Variants in GSDMC observed in about 807,000 individuals in gnomAD.
GSDMC encodes the protein gasdermin-C.
GSDMC carries 59 observed loss-of-function variants against 58.0 expected under a neutral mutation model. The ratio of observed to expected loss-of-function variants is 1.02; its 90% CI spans 0.82 to 1.26. The LOEUF (loss-of-function observed/expected upper bound fraction) is 1.26. Ranked by LOEUF, GSDMC falls within the 50% of genes most tolerant of loss-of-function variation. GSDMC has a pLI of 0.00. For missense variants in GSDMC, 659 were observed against 598.5 expected, an observed-to-expected ratio of 1.10 and a Z score of -1.06; for synonymous variants, 241 against 220.2, an observed-to-expected ratio of 1.09 and a Z score of -0.83.
intron 3 of GSDMC, among the ~76,000 whole-genome samples, chr8:129,767,790 G>C (rs2033916092): frequency 6.6e-6 from 1 of 151,878 alleles, no homozygotes; most frequent in Non-Finnish European, 1.5e-5. Context: ...TCTGAATATG[G>C]CATTCAGCCA....
the GSDMC span, among the ~76,000 whole-genome samples, chr8:129,710,230 A>G: frequency 2.6e-5 from 4 of 152,248 alleles, no homozygotes; most frequent in South Asian, 2.1e-4. Context: ...AGCACAGTAC[A>G]GTGCTTGTAT....
At chr8:129,780,252 T>C (rs756266857) in intron 1 of GSDMC, among the ~76,000 whole-genome samples, 2 of 152,134 alleles carry the variant, frequency 1.3e-5, no homozygotes, top group African/African-American at 2.4e-5. Context: ...TTCCCAAAGC[T>C]AGAGTAAGAT....
chr8:129,763,686 C>G (rs1479974910), intron 4 of GSDMC, among the ~76,000 whole-genome samples: 1 of 152,220 alleles, frequency 6.6e-6, no homozygotes, highest in Non-Finnish European at 1.5e-5. Flanking sequence ...AAGCAATTCT[C>G]CCACCTCAGC....
chr8:129,731,824 A>G, the GSDMC span, among the ~76,000 whole-genome samples: 1 of 152,196 alleles, frequency 6.6e-6, no homozygotes, highest in Admixed American at 6.6e-5. Flanking sequence ...CTAAAATTTT[A>G]AAAAAATATA....
At chr8:129,768,468 T>A (rs907288066) in intron 3 of GSDMC, among the ~76,000 whole-genome samples, 1 of 152,006 alleles carries the variant, frequency 6.6e-6, no homozygotes, top group African/African-American at 2.4e-5. Context: ...GATAGACAAC[T>A]AAACAAAATT....
Position 129,749,978 on chromosome 8 carries a change from A to G in GSDMC, c.1213+12T>C. The G allele has an allele frequency of 6.3e-7, 1 of 1,575,560 alleles. No individual in the cohort carries two copies. ...TTGTGATTCTCCCATTCTTCCCTTT[A>G]ATTACTCTTACCCATTATGGCTTCA... On this transcript the variant is annotated intron_variant, in intron 12 of 13. Transcript: ENST00000276708.
chr8:129,740,818 T>C, the GSDMC span, among the ~76,000 whole-genome samples: 2 of 152,192 alleles, frequency 1.3e-5, no homozygotes, highest in Admixed American at 1.3e-4. Context: ...GTTAATTTCT[T>C]CCTTTACTGC....
chr8:129,713,074 C>A, the GSDMC span, among the ~76,000 whole-genome samples: 3 of 152,244 alleles, frequency 2.0e-5, no homozygotes, highest in African/African-American at 7.2e-5. Context: ...AACAGACTCA[C>A]GCACTTTTGC....
At chr8:129,755,105 G>T (rs1256138520) in intron 6 of GSDMC, among the ~76,000 whole-genome samples, 1 of 152,116 alleles carries the variant, frequency 6.6e-6, no homozygotes, top group Non-Finnish European at 1.5e-5. Flanking sequence ...CAACATTCAA[G>T]TACAAGTAAG....
the GSDMC span, among the ~76,000 whole-genome samples, chr8:129,708,128 G>A: frequency 1.5e-4 from 23 of 152,274 alleles, no homozygotes; most frequent in South Asian, 3.1e-3. Context: ...CTTACAAAAC[G>A]TAAGTTCAAA....
At position 129,750,886 on chromosome 8, in the gene GSDMC, G is replaced by A. The variant is rs187313622; in HGVS notation, c.944-316C>T. On this transcript the variant is annotated intron_variant, in intron 10 of 13. Coordinates refer to ENST00000276708, the MANE Select transcript of GSDMC (RefSeq NM_031415.3). ...ATTTCTGGGACATGTCAGGAATACT[G>A]TAAAATCTAGCATTGGGCCTTAGAG... is the stretch of plus-strand genomic sequence containing the variant. 3.0e-4 allele frequency among the ~76,000 whole-genome samples: 45 copies of A among 152,296 alleles called. 1 individual carries two copies. The highest frequency in any genetic ancestry group is 3.4e-3 in the Middle Eastern group (1 of 294).
At chr8:129,727,023 C>CACACCT in the GSDMC span, among the ~76,000 whole-genome samples, 1 of 150,210 alleles carries the variant, frequency 6.7e-6, no homozygotes, top group Non-Finnish European at 1.5e-5. Context: ...CACACACACA[C>CACACCT]ACCTATTCAC....
At chr8:129,718,625 G>A in the GSDMC span, among the ~76,000 whole-genome samples, 1 of 152,192 alleles carries the variant, frequency 6.6e-6, no homozygotes, top group Admixed American at 6.5e-5. Context: ...GCAGTGTGGA[G>A]TTTCCTCAAG....
rs116234640 is a variant in GSDMC, at chr8:129,776,155, G to A, written c.351C>T (p.Leu117=). 36 of 1,613,808 alleles carry A rather than the reference G, an allele frequency of 2.2e-5. No individual in the cohort carries two copies. Among genetic ancestry groups the A allele is most frequent in the East Asian group, 4.5e-5 (2 of 44,880 alleles). The change falls in exon 3 of 14, where the codon CTC becomes CTT. Residue 117 remains leucine, a synonymous_variant. Coordinates refer to ENST00000276708, the MANE Select transcript of GSDMC (RefSeq NM_031415.3). The part of the protein sequence containing the change: ...GEASVDHGCS[L]EFQIVTIPSP... ...ATGGGATGGTAACAATTTGAAACTC[G>A]AGGGAGCATCCATGGTCCACAGAGG...
chr8:129,770,089 T>C (rs2033998585), intron 3 of GSDMC, among the ~76,000 whole-genome samples: 1 of 152,234 alleles, frequency 6.6e-6, no homozygotes, highest in African/African-American at 2.4e-5. Context: ...AATAATTTCT[T>C]ATTAGATATA....
At chr8:129,750,409 A>T in intron 11 of GSDMC, 22 bp downstream of exon 11, 1 of 1,608,342 alleles carries the variant, frequency 6.2e-7, no homozygotes. Flanking sequence ...TACCAGACCT[A>T]TGCAACTGTG....
intron 4 of GSDMC, among the ~76,000 whole-genome samples, chr8:129,763,997 C>G (rs1027850427): frequency 1.3e-5 from 2 of 152,198 alleles, no homozygotes; most frequent in Non-Finnish European, 2.9e-5. Context: ...TTCTACTACT[C>G]TATTTTTAAT....
chr8:129,725,808 C>T, the GSDMC span, among the ~76,000 whole-genome samples: 18 of 152,128 alleles, frequency 1.2e-4, no homozygotes, highest in African/African-American at 3.4e-4. Flanking sequence ...AATTATTTAC[C>T]GGAGGTTGCA....
the GSDMC span, among the ~76,000 whole-genome samples, chr8:129,741,162 C>T: frequency 1.3e-5 from 2 of 151,972 alleles, no homozygotes; most frequent in South Asian, 2.1e-4. Context: ...CTAAATACTT[C>T]GGTTTATTTC....
Sources: allele counts gnomAD v4.1 joint callset (sites outside exome capture counted in the v4.1 genomes callset), GRCh38; gene constraint gnomAD v4.1.1; transcripts MANE v1.5; gene names NCBI Gene and HGNC (gene_info 2026-07-23, HGNC 2026-07-21).